The following PUDP variants were observed in gnomAD, a reference collection of about 807,000 sequenced individuals.
PUDP encodes the protein pseudouridine-5'-phosphatase.
Under a neutral mutation model 9.4 loss-of-function variants are expected in PUDP, and 8 were observed. The observed-to-expected ratio is 0.85, with a 90% CI of 0.50 to 1.53. PUDP has a LOEUF of 1.53. Ranked by LOEUF, PUDP falls within the 40% of genes most tolerant of loss-of-function variation. PUDP has a pLI of 0.00. For synonymous variants in PUDP, 99 were observed against 80.7 expected (o/e 1.23, Z -1.22); for missense variants, 188 against 189.7 (o/e 0.99, Z 0.05).
intron 3 of PUDP, among the ~76,000 whole-genome samples, chrX:6,958,250 G>T (rs1259309054): frequency 8.9e-6 from 1 of 111,777 alleles, no homozygotes; most frequent in Non-Finnish European, 1.9e-5. Flanking sequence ...ACAAAGGAAG[G>T]CGGAAGTAAC....
chrX:6,771,159 GCA>G (rs1447494704), intron 3 of PUDP, among the ~76,000 whole-genome samples: 1 of 111,349 alleles, frequency 9.0e-6, no homozygotes, highest in Non-Finnish European at 1.9e-5. Flanking sequence ...CTGGGGAATT[GCA>G]CAGTCACAGG....
chrX:7,051,316 C>G (rs1930094895), intron 3 of PUDP, among the ~76,000 whole-genome samples: 2 of 111,486 alleles, frequency 1.8e-5, no homozygotes, highest in Non-Finnish European at 3.8e-5. Flanking sequence ...ATCGTATGCT[C>G]TCACTTATAA....
chrX:6,726,913 G>T (rs1359990261), intron 3 of PUDP, among the ~76,000 whole-genome samples: 3 of 111,840 alleles, frequency 2.7e-5, no homozygotes, highest in African/African-American at 6.5e-5. Flanking sequence ...AGGCAGTAAG[G>T]CATGAGAGGA....
intron 1 of PUDP, among the ~76,000 whole-genome samples, chrX:7,007,510 T>A (rs1264976032): frequency 8.9e-6 from 1 of 112,594 alleles, no homozygotes; most frequent in South Asian, 3.7e-4. Context: ...ACAGAGTGCA[T>A]GACACAAGTG....
At chrX:7,107,695 G>C (rs1257398477) in intron 1 of PUDP, among the ~76,000 whole-genome samples, 10 of 112,301 alleles carry the variant, frequency 8.9e-5, no homozygotes, top group Admixed American at 8.4e-4. Context: ...GGGCATGGTG[G>C]CATGTGACTG....
chrX:6,740,654 C>T, intron 3 of PUDP, among the ~76,000 whole-genome samples: 1 of 111,265 alleles, frequency 9.0e-6, no homozygotes, highest in Middle Eastern at 4.7e-3. Context: ...ATAATTGGAA[C>T]CCACTGCAGA....
chrX:6,846,061 T>C (rs912851313), intron 3 of PUDP, among the ~76,000 whole-genome samples: 4 of 112,309 alleles, frequency 3.6e-5, no homozygotes, highest in Non-Finnish European at 7.5e-5. Flanking sequence ...TTCTTCCTTC[T>C]CAAAACTTGT....
intron 3 of PUDP, among the ~76,000 whole-genome samples, chrX:6,884,429 G>GTA (rs1927393454): frequency 8.9e-6 from 1 of 111,772 alleles, no homozygotes; most frequent in Non-Finnish European, 1.9e-5. Flanking sequence ...GGGCTAGGAT[G>GTA]TAAGCCTCAT....
intron 3 of PUDP, among the ~76,000 whole-genome samples, chrX:6,961,401 TAA>T (rs756966270): frequency 1.8e-5 from 2 of 109,943 alleles, no homozygotes; most frequent in East Asian, 5.7e-4. Flanking sequence ...AAATAAAAAA[TAA>T]AAAAGACTAC....
At chrX:6,899,305 C>T (rs1927638129) in intron 3 of PUDP, among the ~76,000 whole-genome samples, 2 of 112,727 alleles carry the variant, frequency 1.8e-5, no homozygotes, top group Admixed American at 9.3e-5. Flanking sequence ...TATTGTGGGC[C>T]GGGTGCACTG....
chrX:7,077,130 A>G, intron 3 of PUDP, 90 bp downstream of exon 3: 2 of 1,132,993 alleles, frequency 1.8e-6, no homozygotes, highest in African/African-American at 3.6e-5. Flanking sequence ...AGCACAAACC[A>G]CAACTTTTCA....
chrX:7,122,044 T>C (rs1429564493), intron 1 of PUDP, among the ~76,000 whole-genome samples: 3 of 110,931 alleles, frequency 2.7e-5, no homozygotes, highest in Non-Finnish European at 3.8e-5. Context: ...AAAAATTAGC[T>C]GGGTGTGGTA....
chrX:6,928,979 G>A, intron 3 of PUDP, among the ~76,000 whole-genome samples: 1 of 111,644 alleles, frequency 9.0e-6, no homozygotes, highest in Non-Finnish European at 1.9e-5. Flanking sequence ...CGTATGTTAG[G>A]GACCTCAGTT....
chrX:6,772,629 G>GAA lies in PUDP; in HGVS notation c.*248-66164_*248-66163insTT, dbSNP rs200479446. 5.5e-3 allele frequency among the ~76,000 whole-genome samples: 555 copies of GAA among 100,119 alleles called. 4 individuals carry two copies. The highest frequency in any genetic ancestry group is 0.013 in the African/African-American group (365 of 27,626). The allele number at this position is 100,119 out of a possible 115,157, so 86.9% of individuals were successfully genotyped here. A position where few individuals can be genotyped will look rare whatever the true frequency, so the allele number is the denominator to read the frequency against. ...CTGACTTTCAGAGAAATACAGACAAGGAAAAAAAAAAAAAAAGAAGGTCAG... is the reference window on the plus strand; with the variant it reads ...CTGACTTTCAGAGAAATACAGACAAGAAGAAAAAAAAAAAAAAAGAAGGTCAG... On this transcript the variant is annotated intron_variant and NMD_transcript_variant, in intron 3 of 3. Coordinates refer to the PUDP transcript ENST00000655425.
intron 3 of PUDP, among the ~76,000 whole-genome samples, chrX:7,052,359 A>G (rs186550274): frequency 4.5e-5 from 5 of 111,148 alleles, no homozygotes; most frequent in Admixed American, 9.5e-5. Context: ...CATTATGAAA[A>G]TGTCCTCTTC....
At chrX:6,755,390 C>T (rs1046416494) in intron 3 of PUDP, among the ~76,000 whole-genome samples, 1 of 111,227 alleles carries the variant, frequency 9.0e-6, no homozygotes, top group Non-Finnish European at 1.9e-5. Context: ...TTAATTCAAC[C>T]AACAATCACT....
intron 1 of PUDP, among the ~76,000 whole-genome samples, chrX:6,986,421 C>T (rs1441877876): frequency 1.8e-5 from 2 of 111,776 alleles, no homozygotes; most frequent in Non-Finnish European, 3.8e-5. Flanking sequence ...CCACCTCCAA[C>T]CCCACACAGC....
In PUDP at chrX:6,839,168, AT is replaced by A. The variant is rs200113164; in HGVS notation, c.*248-132703del. Among the ~76,000 whole-genome samples the A allele has an allele frequency of 8.5e-3, 944 of 111,667 alleles. 8 individuals carry two copies. The highest frequency in any genetic ancestry group is 0.028 in the African/African-American group (846 of 30,744). The stretch of plus-strand genomic sequence containing the variant: ...ATGCAGCTTTCAGTGTTTATTGCAC[AT>A]TTTTTTCATTGCCTTCTTTTGAGGC... On this transcript the variant is annotated intron_variant and NMD_transcript_variant, in intron 3 of 3. Coordinates refer to the PUDP transcript ENST00000655425.
intron 3 of PUDP, among the ~76,000 whole-genome samples, chrX:6,849,857 A>G (rs1295811468): frequency 8.9e-6 from 1 of 112,250 alleles, no homozygotes; most frequent in Non-Finnish European, 1.9e-5. Context: ...AGCACAGTAA[A>G]AAAAACCAAT....
Sources: allele counts gnomAD v4.1 joint callset (sites outside exome capture counted in the v4.1 genomes callset), GRCh38; gene constraint gnomAD v4.1.1; transcripts MANE v1.5; gene names NCBI Gene and HGNC (gene_info 2026-07-23, HGNC 2026-07-21).